The following DGKI variants were observed in gnomAD, a reference collection of about 807,000 sequenced individuals.
The protein encoded by DGKI is diacylglycerol kinase iota.
DGKI carries 55 observed loss-of-function variants against 147.5 expected under a neutral mutation model. The observed-to-expected ratio is 0.37, with a 90% confidence interval of 0.30 to 0.47. DGKI has a LOEUF of 0.47. Ranked by LOEUF, DGKI falls within the 20% of genes least tolerant of loss-of-function variation. The probability of loss-of-function intolerance (pLI) is 1.00; values close to 1 mark genes in which losing one functional copy is unlikely to be tolerated. For missense variants in DGKI, 1,007 were observed against 1,323.8 expected (o/e 0.76, Z 3.71); for synonymous variants, 469 against 477.1 (o/e 0.98, Z 0.22).
intron 23 of DGKI, among the ~76,000 whole-genome samples, chr7:137,471,963 TTA>T (rs71177904): frequency 1.4e-5 from 2 of 138,840 alleles, no homozygotes; most frequent in Admixed American, 7.5e-5. Flanking sequence ...ATATTATATA[TTA>T]TATACATGTG....
intron 1 of DGKI, among the ~76,000 whole-genome samples, chr7:137,721,625 T>C (rs988084010): frequency 6.6e-6 from 1 of 152,194 alleles, no homozygotes; most frequent in Non-Finnish European, 1.5e-5. Flanking sequence ...GGGTCACCAA[T>C]GTGACTGCTT....
intron 2 of DGKI, among the ~76,000 whole-genome samples, chr7:137,684,794 G>A (rs1823361080): frequency 6.6e-6 from 1 of 152,188 alleles, no homozygotes; most frequent in South Asian, 2.1e-4. Flanking sequence ...GGGGCTGGGA[G>A]TGGGGAAAGA....
rs550727401 is a variant in DGKI, at chr7:137,704,834, T to C, written c.402-14832A>G. On this transcript the variant is annotated intron_variant, in intron 1 of 32. Transcript: ENST00000614521. ...TAATGGATGGTTTCTTCAGAAAATATGGAGACCAGAAAGAAGGCAGTGAGA... is the reference window on the plus strand; with the variant it reads ...TAATGGATGGTTTCTTCAGAAAATACGGAGACCAGAAAGAAGGCAGTGAGA... Among the ~76,000 whole-genome samples the C allele has an allele frequency of 2.2e-3, 331 of 152,256 alleles. 1 individual carries two copies. The highest frequency in any genetic ancestry group is 3.6e-3 in the Non-Finnish European group (246 of 67,998).
chr7:137,653,181 G>C (rs914244728), intron 5 of DGKI, among the ~76,000 whole-genome samples: 1 of 152,216 alleles, frequency 6.6e-6, no homozygotes, highest in African/African-American at 2.4e-5. Context: ...GCTTGGTTTA[G>C]TCTGGGCTCC....
intron 2 of DGKI, among the ~76,000 whole-genome samples, chr7:137,683,876 T>G (rs1020649695): frequency 1.3e-5 from 2 of 152,152 alleles, no homozygotes; most frequent in African/African-American, 4.8e-5. Flanking sequence ...AAATACAGAT[T>G]TCTAGATATA....
At chr7:137,821,491 G>A (rs1016974021) in intron 1 of DGKI, among the ~76,000 whole-genome samples, 6 of 152,138 alleles carry the variant, frequency 3.9e-5, no homozygotes, top group African/African-American at 1.4e-4. Context: ...TAAAAATTCT[G>A]AAGAAATACA....
intron 24 of DGKI, among the ~76,000 whole-genome samples, chr7:137,467,838 G>A (rs1231653987): frequency 6.6e-6 from 1 of 151,854 alleles, no homozygotes; most frequent in Non-Finnish European, 1.5e-5. Context: ...TTTTTAATTA[G>A]CTAGGGATAG....
At chr7:137,702,915 C>T (rs1193085151) in intron 1 of DGKI, among the ~76,000 whole-genome samples, 1 of 152,006 alleles carries the variant, frequency 6.6e-6, no homozygotes, top group African/African-American at 2.4e-5. Flanking sequence ...ACAACTGGGG[C>T]AAATAAGAAA....
chr7:137,529,340 A>T (rs1471891580), intron 20 of DGKI, among the ~76,000 whole-genome samples: 2 of 151,850 alleles, frequency 1.3e-5, no homozygotes, highest in African/African-American at 4.8e-5. Flanking sequence ...TTTTTAAAAT[A>T]AAAAAAATCT....
chr7:137,506,728 G>T (rs979187234), intron 21 of DGKI, among the ~76,000 whole-genome samples: 1 of 152,086 alleles, frequency 6.6e-6, no homozygotes, highest in Non-Finnish European at 1.5e-5. Flanking sequence ...AGGATATATG[G>T]AATTCTCTGT....
At chr7:137,605,431 A>G (rs1040486811) in intron 10 of DGKI, among the ~76,000 whole-genome samples, 2 of 151,950 alleles carry the variant, frequency 1.3e-5, no homozygotes, top group African/African-American at 4.8e-5. Context: ...TCCCAATAAA[A>G]TAATAGCAGC....
intron 3 of DGKI, among the ~76,000 whole-genome samples, chr7:137,673,221 G>T (rs181035465): frequency 1.3e-5 from 2 of 152,086 alleles, no homozygotes; most frequent in African/African-American, 2.4e-5. Flanking sequence ...GTCCTGAGGC[G>T]TCAGGACTTC....
At chr7:137,552,960 T>A (rs75862515) in intron 19 of DGKI, among the ~76,000 whole-genome samples, 1,837 of 152,166 alleles carry the variant, frequency 0.012, 30 homozygotes, top group African/African-American at 0.042. Context: ...AAGTCCATTG[T>A]ACATAACCAA....
chr7:137,514,082 C>T (rs545463176), intron 21 of DGKI: 255 of 565,934 alleles, frequency 4.5e-4, no homozygotes, highest in Non-Finnish European at 7.7e-4. Flanking sequence ...CTCTGATCGC[C>T]GATCACCTCT....
intron 2 of DGKI, among the ~76,000 whole-genome samples, chr7:137,684,806 G>A (rs150724886): frequency 6.6e-6 from 1 of 152,180 alleles, no homozygotes; most frequent in Non-Finnish European, 1.5e-5. Context: ...GGGGAAAGAT[G>A]TGGGGCTGTG....
chr7:137,571,365 G>C, intron 18 of DGKI, 79 bp from the exon 19 acceptor site: 1 of 960,956 alleles, frequency 1.0e-6, no homozygotes, highest in Non-Finnish European at 1.6e-6. Flanking sequence ...TTTGTAGTTA[G>C]ACCCAATGTT....
intron 1 of DGKI, among the ~76,000 whole-genome samples, chr7:137,696,431 C>CTTTTTTTTTTTTTTT (rs10609322): frequency 1.4e-4 from 5 of 36,696 alleles, no homozygotes; most frequent in Admixed American, 3.7e-4. Flanking sequence ...GCCCAAAAGA[C>CTTTTTTTTTTTTTTT]TTTTTTTTTT....
At position 137,782,664 on chromosome 7, in the gene DGKI, C is replaced by T. The variant is rs1223004259; in HGVS notation, c.401+63798G>A. Reference sequence around the variant, plus strand: ...GCTGATGCACTCTTGAAAGCACCACCTCCTGGCTGGAGGCCAACCAACACA... The same window carrying T: ...GCTGATGCACTCTTGAAAGCACCACTTCCTGGCTGGAGGCCAACCAACACA... On this transcript the variant is annotated intron_variant, in intron 1 of 32. Transcript: ENST00000614521. 2.0e-5 allele frequency among the ~76,000 whole-genome samples: 3 copies of T among 152,214 alleles called. No individual in the cohort carries two copies. The East Asian group carries it at 5.8e-4, about 29-fold the overall frequency.
At chr7:137,442,190 C>A (rs1813536897) in intron 28 of DGKI, among the ~76,000 whole-genome samples, 1 of 151,972 alleles carries the variant, frequency 6.6e-6, no homozygotes, top group South Asian at 2.1e-4. Context: ...ATTATAATGG[C>A]CCTCTAATTT....
Sources: gnomAD v4.1 joint callset for allele counts (sites outside exome capture counted in the v4.1 genomes callset) on GRCh38, gnomAD v4.1.1 for gene constraint, MANE v1.5 for transcripts, NCBI Gene and HGNC (gene_info 2026-07-23, HGNC 2026-07-21) for gene names.